The following XPO4 variants were observed in gnomAD, a reference collection of about 807,000 sequenced individuals.
XPO4 encodes the protein exportin 4, also known as exportin-4.
In XPO4, 39 loss-of-function variants were observed where a neutral mutation model predicts 143.0. The observed-to-expected ratio is 0.27, with a 90% CI of 0.21 to 0.36. The LOEUF is 0.36. Among genes scored for constraint, XPO4 ranks in the 10% least tolerant of loss-of-function variants. The probability of loss-of-function intolerance (pLI) is 1.00; values close to 1 mark genes in which losing one functional copy is unlikely to be tolerated. For missense variants in XPO4, 907 were observed against 1,348.0 expected (o/e 0.67, Z 5.12); for synonymous variants, 439 against 474.0 (o/e 0.93, Z 0.96).
intron 4 of XPO4, chr13:20,853,114 T>C (rs1484950726): frequency 1.1e-6 from 1 of 900,568 alleles, no homozygotes; most frequent in African/African-American, 1.8e-5. Context: ...AGAGATCACT[T>C]GAGCCCAGGA....
chr13:20,855,153 C>CAT (rs1396897726), intron 4 of XPO4, among the ~76,000 whole-genome samples: 4 of 151,890 alleles, frequency 2.6e-5, no homozygotes, highest in African/African-American at 9.7e-5. Context: ...ATATTATGTA[C>CAT]ATATATATTT....
At chr13:20,835,685 A>G (rs1566595820) in intron 6 of XPO4, among the ~76,000 whole-genome samples, 1 of 152,208 alleles carries the variant, frequency 6.6e-6, no homozygotes, top group Non-Finnish European at 1.5e-5. Context: ...CGAAATATCT[A>G]TATAGTTCAG....
intron 2 of XPO4, among the ~76,000 whole-genome samples, chr13:20,867,881 T>C (rs539728981): frequency 1.3e-5 from 2 of 152,300 alleles, no homozygotes; most frequent in East Asian, 3.9e-4. Flanking sequence ...GTAATCAGCT[T>C]ATAAAATAAC....
chr13:20,897,379 A>C (rs2060579696), intron 1 of XPO4, among the ~76,000 whole-genome samples: 1 of 152,104 alleles, frequency 6.6e-6, no homozygotes, highest in Non-Finnish European at 1.5e-5. Flanking sequence ...ATATATCTCC[A>C]CCTGGGATAT....
Position 20,808,472 on chromosome 13 carries a change from G to T in XPO4, c.1603C>A (p.Leu535Ile). ...STVDNKMLDD[L>I]YEDIHWLILV... is the part of the protein sequence containing the mutation. ...ATAAGCCAGTGAATATCTTCATAGA[G>T]ATCATCAAGCATTTTGTTGTCAACA... Residue 535 changes from leucine (L) to isoleucine (I), a missense_variant, in exon 12 of 23, where the codon CTC (leucine) becomes ATC (isoleucine). Leu to Ile is a conservative substitution (Grantham distance 5, BLOSUM62 2). Transcript: ENST00000255305. 6.4e-7 allele frequency: 1 copy of T among 1,573,046 alleles called. No homozygotes were observed. The highest frequency in any genetic ancestry group is 1.3e-5 in the African/African-American group (1 of 74,654).
At chr13:20,874,038 A>C (rs977273302) in intron 1 of XPO4, among the ~76,000 whole-genome samples, 1 of 152,228 alleles carries the variant, frequency 6.6e-6, no homozygotes, top group African/African-American at 2.4e-5. Context: ...CAAAGTTAGT[A>C]AGTATCATAA....
chr13:20,792,599 T>C (rs990262573), intron 18 of XPO4, among the ~76,000 whole-genome samples: 1 of 151,110 alleles, frequency 6.6e-6, no homozygotes, highest in Non-Finnish European at 1.5e-5. Flanking sequence ...ACAAACAAAT[T>C]AGCCAGGCCT....
At chr13:20,889,001 C>A (rs1217846231) in intron 1 of XPO4, among the ~76,000 whole-genome samples, 1 of 151,932 alleles carries the variant, frequency 6.6e-6, no homozygotes, top group Non-Finnish European at 1.5e-5. Context: ...TTAGTAGAGA[C>A]GAGATTTCAC....
Position 20,843,895 on chromosome 13 carries a change from A to G in XPO4, c.457-9T>C. ...GAACAGGCCAGAGTTTGCTGTAATT[A>G]TTTGATAAGAAATAATTGTGAGGCA... On this transcript the variant is annotated splice_polypyrimidine_tract_variant and intron_variant, in intron 4 of 22. Coordinates refer to ENST00000255305, the MANE Select transcript of XPO4 (RefSeq NM_022459.5). 1.3e-6 allele frequency: 2 copies of G among 1,595,780 alleles called. No homozygotes were observed. Among genetic ancestry groups the G allele is most frequent in the Non-Finnish European group, 1.7e-6 (2 of 1,165,206 alleles).
intron 1 of XPO4, 95 bp downstream of exon 1, chr13:20,902,575 T>A (rs2060632237): frequency 7.2e-7 from 1 of 1,395,450 alleles, no homozygotes; most frequent in African/African-American, 1.5e-5. Flanking sequence ...TGCAGGCCCT[T>A]GCCAGTCGCC....
intron 4 of XPO4, among the ~76,000 whole-genome samples, chr13:20,853,509 G>T (rs555888066): frequency 2.0e-5 from 3 of 151,908 alleles, no homozygotes; most frequent in South Asian, 4.2e-4. Context: ...AAAAAAAGTA[G>T]CTCCCCATAA....
chr13:20,888,841 T>C (rs973442699), intron 1 of XPO4, among the ~76,000 whole-genome samples: 24 of 152,160 alleles, frequency 1.6e-4, no homozygotes, highest in African/African-American at 5.3e-4. Flanking sequence ...TCGCTCTTGT[T>C]GCCCAAGCTG....
At chr13:20,893,551 A>T (rs1386553389) in intron 1 of XPO4, among the ~76,000 whole-genome samples, 1 of 152,110 alleles carries the variant, frequency 6.6e-6, no homozygotes, top group Admixed American at 6.6e-5. Flanking sequence ...CAGTCTAGCC[A>T]ACATGGTGAA....
intron 1 of XPO4, among the ~76,000 whole-genome samples, chr13:20,887,396 A>G (rs1457064311): frequency 6.6e-6 from 1 of 152,206 alleles, no homozygotes; most frequent in Non-Finnish European, 1.5e-5. Context: ...TTACAACATT[A>G]CACTATACCC....
intron 4 of XPO4, chr13:20,850,139 C>T: frequency 2.0e-6 from 2 of 984,986 alleles, no homozygotes; most frequent in Non-Finnish European, 2.4e-6. Flanking sequence ...TAGTTTCACT[C>T]ATAGCATAAA....
Position 20,780,233 on chromosome 13 carries a change from TAGTA to T in XPO4, c.*3485_*3488del, listed in dbSNP as rs777483710. 8 of 152,134 alleles carry T rather than the reference TAGTA, an allele frequency of 5.3e-5. No homozygotes were observed. The highest frequency in any genetic ancestry group is 1.0e-4 in the Non-Finnish European group (7 of 68,022). The allele number at this position is 152,134 out of a possible 1,614,324, so 9.4% of individuals were successfully genotyped here. A position where few individuals can be genotyped will look rare whatever the true frequency, so the allele number is the denominator to read the frequency against. On this transcript the variant is annotated 3_prime_UTR_variant, in exon 23 of 23. Transcript: ENST00000255305. ...AATTCCTCATCAAAGACAGCTAACT[TAGTA>T]AGGTCAATTGACAACCACCTCTAAC...
intron 6 of XPO4, among the ~76,000 whole-genome samples, chr13:20,835,827 C>T (rs2059908851): frequency 6.6e-6 from 1 of 152,112 alleles, no homozygotes; most frequent in Non-Finnish European, 1.5e-5. Flanking sequence ...ATCACTGAGA[C>T]AGCAAGACCA....
chr13:20,814,899 G>A (rs1012315947), intron 9 of XPO4, among the ~76,000 whole-genome samples: 1 of 152,124 alleles, frequency 6.6e-6, no homozygotes, highest in Admixed American at 6.5e-5. Context: ...CAACCCTTTA[G>A]TCATAGAAAA....
intron 1 of XPO4, among the ~76,000 whole-genome samples, chr13:20,897,972 C>T (rs1382546260): frequency 6.6e-6 from 1 of 152,076 alleles, no homozygotes; most frequent in Admixed American, 6.6e-5. Context: ...AGGCTGGTCT[C>T]GAACTCCTGA....
Sources: allele counts gnomAD v4.1 joint callset (sites outside exome capture counted in the v4.1 genomes callset), GRCh38; gene constraint gnomAD v4.1.1; transcripts MANE v1.5; gene names NCBI Gene and HGNC (gene_info 2026-07-23, HGNC 2026-07-21).